The following GLIS3 variants were observed in gnomAD, a reference collection of about 807,000 sequenced individuals.
The protein encoded by GLIS3 is GLIS family zinc finger 3.
In GLIS3, 53 loss-of-function variants were observed where a neutral mutation model predicts 78.6. The ratio of observed to expected loss-of-function variants is 0.67; its 90% CI spans 0.54 to 0.85. The LOEUF is 0.85. Ranked by LOEUF, GLIS3 falls within the 40% of genes least tolerant of loss-of-function variation. The pLI, the probability that GLIS3 is intolerant of heterozygous loss-of-function variation, is 0.00. For synonymous variants in GLIS3, 684 were observed against 509.9 expected (o/e 1.34, Z -4.60); for missense variants, 1,703 against 1,231.1 (o/e 1.38, Z -5.74).
chr9:4,485,014 G>T, the GLIS3 span, among the ~76,000 whole-genome samples: 41 of 150,490 alleles, frequency 2.7e-4, no homozygotes, highest in Non-Finnish European at 7.4e-5. Context: ...CTTTTTTTGG[G>T]GGGGTGGGGG....
At chr9:4,431,840 A>C in the GLIS3 span, among the ~76,000 whole-genome samples, 4 of 142,970 alleles carry the variant, frequency 2.8e-5, no homozygotes, top group Admixed American at 2.8e-4. Flanking sequence ...GCAAAACTCC[A>C]TCTGAAAAAA....
At chr9:3,974,563 C>A (rs1438454371) in intron 4 of GLIS3, among the ~76,000 whole-genome samples, 3 of 152,166 alleles carry the variant, frequency 2.0e-5, no homozygotes, top group African/African-American at 7.2e-5. Flanking sequence ...TTCTAAAAGT[C>A]AATCAGCACC....
intron 4 of GLIS3, among the ~76,000 whole-genome samples, chr9:4,076,910 T>G (rs547651117): frequency 6.6e-6 from 1 of 152,194 alleles, no homozygotes; most frequent in African/African-American, 2.4e-5. Context: ...AATATAAAAA[T>G]TAGCCATGCA....
intron 2 of GLIS3, among the ~76,000 whole-genome samples, chr9:4,256,586 T>G (rs901009987): frequency 6.6e-6 from 1 of 152,150 alleles, no homozygotes; most frequent in Non-Finnish European, 1.5e-5. Flanking sequence ...ATATTAAACA[T>G]CAGGCCTATT....
At chr9:4,248,037 T>C (rs1823967357) in intron 2 of GLIS3, among the ~76,000 whole-genome samples, 1 of 152,178 alleles carries the variant, frequency 6.6e-6, no homozygotes, top group East Asian at 1.9e-4. Context: ...TCCCCATCCC[T>C]TCACTCCTCT....
At chr9:4,192,977 G>A (rs1818469033) in intron 2 of GLIS3, among the ~76,000 whole-genome samples, 1 of 152,242 alleles carries the variant, frequency 6.6e-6, no homozygotes, top group Non-Finnish European at 1.5e-5. Context: ...TGCAAGCTAT[G>A]AACTGGCAAG....
At chr9:4,337,930 C>A (rs964871964) in intron 2 of GLIS3, among the ~76,000 whole-genome samples, 5 of 151,988 alleles carry the variant, frequency 3.3e-5, no homozygotes, top group Admixed American at 2.6e-4. Context: ...CCAAACCACA[C>A]AGCTTATGTG....
chr9:3,936,770 C>G (rs1469468506), intron 5 of GLIS3, among the ~76,000 whole-genome samples: 1 of 152,174 alleles, frequency 6.6e-6, no homozygotes, highest in Non-Finnish European at 1.5e-5. Flanking sequence ...ACTGCTTTTG[C>G]TTTGTACACA....
chr9:4,139,519 G>A (rs1450815025), intron 2 of GLIS3, among the ~76,000 whole-genome samples: 3 of 152,074 alleles, frequency 2.0e-5, no homozygotes, highest in East Asian at 1.9e-4. Context: ...TTACTCGTTC[G>A]CCCCCTCTGT....
chr9:4,191,825 T>C (rs574305562), intron 2 of GLIS3, among the ~76,000 whole-genome samples: 5 of 152,120 alleles, frequency 3.3e-5, no homozygotes, highest in African/African-American at 1.2e-4. Flanking sequence ...GAAGACCATA[T>C]GAAAAATACT....
At chr9:4,096,884 C>T (rs539244275) in intron 4 of GLIS3, among the ~76,000 whole-genome samples, 164 of 152,120 alleles carry the variant, frequency 1.1e-3, no homozygotes, top group Non-Finnish European at 1.9e-3. Context: ...CAGTGGCAGG[C>T]GCCTGTAATC....
At chr9:4,412,490 A>C in the GLIS3 span, among the ~76,000 whole-genome samples, 102 of 152,306 alleles carry the variant, frequency 6.7e-4, no homozygotes, top group Non-Finnish European at 2.4e-4. Context: ...GTAAGAATGG[A>C]TATCACCCTT....
chr9:4,478,942 C>T, the GLIS3 span, among the ~76,000 whole-genome samples: 1 of 152,156 alleles, frequency 6.6e-6, no homozygotes, highest in Non-Finnish European at 1.5e-5. Flanking sequence ...TAACTACCAA[C>T]TTATAGGAAA....
Position 4,136,003 on chromosome 9 carries a change from A to G in GLIS3, c.389-10062T>C, listed in dbSNP as rs116066895. On this transcript the variant is annotated intron_variant, in intron 2 of 10. Coordinates refer to ENST00000381971, the MANE Select transcript of GLIS3 (RefSeq NM_001042413.2). ...TGTATGGTGTATTACTCTGAAATAC[A>G]GTAAGGCATGGCTAAATGGCTACGA... Among the ~76,000 whole-genome samples, 1,258 of 152,354 alleles carry G rather than the reference A, an allele frequency of 8.3e-3. 18 individuals are homozygous for G. The highest frequency in any genetic ancestry group is 0.029 in the African/African-American group (1,202 of 41,576).
chr9:4,089,053 C>T (rs557672409), intron 4 of GLIS3, among the ~76,000 whole-genome samples: 1 of 152,240 alleles, frequency 6.6e-6, no homozygotes, highest in Non-Finnish European at 1.5e-5. Flanking sequence ...CAGCAACTTG[C>T]TTTAAAACAA....
intron 8 of GLIS3, among the ~76,000 whole-genome samples, chr9:3,857,845 A>G (rs866596651): frequency 1.4e-4 from 22 of 152,236 alleles, no homozygotes; most frequent in African/African-American, 5.3e-4. Context: ...CTCATTTGCC[A>G]GGATTCCTCA....
chr9:4,071,596 G>A (rs1247698326), intron 4 of GLIS3: 1 of 152,168 alleles, frequency 6.6e-6, no homozygotes, highest in East Asian at 1.9e-4. Flanking sequence ...TCTGCTAAAT[G>A]CTAAGGAAAA....
chr9:4,352,956 A>G (rs1393946347), upstream of GLIS3, among the ~76,000 whole-genome samples: 1 of 152,190 alleles, frequency 6.6e-6, no homozygotes, highest in Middle Eastern at 3.2e-3. Flanking sequence ...AGGCTAAGAT[A>G]TAGGGTCCTC....
intron 7 of GLIS3, among the ~76,000 whole-genome samples, chr9:3,886,821 T>C (rs1416887785): frequency 5.9e-5 from 9 of 152,208 alleles, no homozygotes; most frequent in Non-Finnish European, 8.8e-5. Flanking sequence ...TCAGGGTCAC[T>C]TGGAAGGCTG....
Sources: allele counts gnomAD v4.1 joint callset (sites outside exome capture counted in the v4.1 genomes callset), GRCh38; gene constraint gnomAD v4.1.1; transcripts MANE v1.5; gene names NCBI Gene and HGNC (gene_info 2026-07-23, HGNC 2026-07-21).